Variants in MOCOS observed in about 807,000 individuals in gnomAD.
The protein encoded by MOCOS is molybdenum cofactor sulfurase.
A neutral mutation model predicts 83.6 loss-of-function variants in MOCOS; 86 were observed. That is an observed-to-expected ratio of 1.03 (90% CI 0.86 to 1.23). The LOEUF is 1.23. MOCOS is among the 50% of genes most tolerant of loss of function. The pLI is 0.00. For missense variants in MOCOS, 1,120 were observed against 1,126.9 expected, an observed-to-expected ratio of 0.99 and a Z score of 0.09; for synonymous variants, 445 against 434.7, an observed-to-expected ratio of 1.02 and a Z score of -0.29.
chr18:36,235,860 T>C (rs1313955033), intron 9 of MOCOS, among the ~76,000 whole-genome samples: 1 of 151,086 alleles, frequency 6.6e-6, no homozygotes, highest in African/African-American at 2.4e-5. Flanking sequence ...GTGGTTTTGA[T>C]TTGCATTTCT....
chr18:36,260,122 G>A lies in MOCOS; in HGVS notation c.2356G>A (p.Ala786Thr), dbSNP rs754520245. ...CAATATTATTATCAATGGAAAAAGGGCTTTTGAAGAAGAGAAATGGGATGA... is the reference window on the plus strand; with the variant it reads ...CAATATTATTATCAATGGAAAAAGGACTTTTGAAGAAGAGAAATGGGATGA... ...RANIIINGKR[A>T]FEEEKWDEIS... Residue 786 changes from alanine to threonine, a missense_variant, in exon 13 of 15, where the codon GCT becomes ACT. By Grantham distance (58) the Ala-to-Thr change is moderately conservative. Transcript: ENST00000261326. The A allele has an allele frequency of 1.2e-6, 2 of 1,614,056 alleles. No individual in the cohort carries two copies. The highest frequency in any genetic ancestry group is 1.3e-5 in the African/African-American group (1 of 74,924).
At chr18:36,201,663 C>CAAAAA (rs200846253) in intron 4 of MOCOS, among the ~76,000 whole-genome samples, 4 of 69,454 alleles carry the variant, frequency 5.8e-5, no homozygotes, top group South Asian at 7.7e-4. Flanking sequence ...ACTCCATCTC[C>CAAAAA]AAAAAAAAAA....
rs137879052 is a variant in MOCOS, at chr18:36,215,770, G to A, written c.1590G>A (p.Ser530=). The A allele has an allele frequency of 4.1e-5, 66 of 1,614,050 alleles. No homozygotes were observed. Among genetic ancestry groups the A allele is most frequent in the African/African-American group, 6.7e-5 (5 of 74,914 alleles). ...CTGTCATGGGCAGACGTAGCCTCTC[G>A]CCTCAGGAAGATGCCCTCACAGGCT... ...IPAVMGRRSL[S]PQEDALTGSR... Residue 530 remains serine (S), a synonymous_variant, in exon 8 of 15, where the codon TCG becomes TCA. Coordinates refer to ENST00000261326, the MANE Select transcript of MOCOS (RefSeq NM_017947.4).
chr18:36,196,871 C>A (rs2091390180), intron 2 of MOCOS, among the ~76,000 whole-genome samples: 2 of 151,938 alleles, frequency 1.3e-5, no homozygotes, highest in African/African-American at 4.8e-5. Flanking sequence ...CCAGTGCAAT[C>A]TTTCAGTGTA....
intron 4 of MOCOS, among the ~76,000 whole-genome samples, chr18:36,200,991 G>C (rs2091412015): frequency 1.3e-5 from 2 of 152,256 alleles, no homozygotes; most frequent in South Asian, 4.1e-4. Context: ...GCAAGGGCAG[G>C]TGGTGTGGGT....
At position 36,187,500 on chromosome 18, in the gene MOCOS, C is replaced by T. The variant is rs748456465; in HGVS notation, c.-40C>T. On this transcript the variant is annotated 5_prime_UTR_variant, in exon 1 of 15. Coordinates refer to ENST00000261326, the MANE Select transcript of MOCOS (RefSeq NM_017947.4). ...AGTCGCCGGGGGCCGGCTTCGCGCACTTCCCGGGCCCGGCCGGCCTGGATG... is the reference window on the plus strand; with the variant it reads ...AGTCGCCGGGGGCCGGCTTCGCGCATTTCCCGGGCCCGGCCGGCCTGGATG... 1.2e-5 allele frequency: 15 copies of T among 1,227,106 alleles called. No individual in the cohort carries two copies. The highest frequency in any genetic ancestry group is 6.1e-6 in the Non-Finnish European group (6 of 984,562). The allele number at this position is 1,227,106 out of a possible 1,614,324, so 76.0% of individuals were successfully genotyped here.
intron 9 of MOCOS, among the ~76,000 whole-genome samples, chr18:36,221,363 G>GTCC (rs749836355): frequency 1.3e-5 from 2 of 151,866 alleles, no homozygotes; most frequent in East Asian, 1.9e-4. Context: ...TTTCCTTTAG[G>GTCC]TCCTCCTCCT....
Position 36,260,063 on chromosome 18 carries a change from T to C in MOCOS, c.2297T>C (p.Phe766Ser), listed in dbSNP as rs769965875. 8.7e-6 allele frequency: 14 copies of C among 1,614,120 alleles called. No homozygotes were observed. Among genetic ancestry groups the C allele is most frequent in the Non-Finnish European group, 9.3e-6 (11 of 1,180,048 alleles). The change falls in exon 13 of 15, where the codon TTC becomes TCC. Residue 766 changes from phenylalanine (F) to serine (S), a missense_variant. Transcript: ENST00000261326. ...GATGAGAATGGAAAGGAGGAATTATTCTCACTGAAGGATCTCAGCTTGCGT... is the reference window on the plus strand; with the variant it reads ...GATGAGAATGGAAAGGAGGAATTATCCTCACTGAAGGATCTCAGCTTGCGT... ...TSDENGKEEL[F>S]SLKDLSLRFR...
intron 9 of MOCOS, among the ~76,000 whole-genome samples, chr18:36,225,450 A>G (rs1362581411): frequency 6.6e-6 from 1 of 152,128 alleles, no homozygotes. Flanking sequence ...GTGCCCGGCA[A>G]GTTTTCTATT....
chr18:36,265,034 G>T (rs897368984), intron 13 of MOCOS, among the ~76,000 whole-genome samples: 2 of 152,142 alleles, frequency 1.3e-5, no homozygotes, highest in African/African-American at 2.4e-5. Flanking sequence ...GCTTTTATTG[G>T]CAAAAATAAA....
At chr18:36,237,697 A>G (rs2091564785) in intron 9 of MOCOS, among the ~76,000 whole-genome samples, 1 of 152,104 alleles carries the variant, frequency 6.6e-6, no homozygotes, top group Non-Finnish European at 1.5e-5. Flanking sequence ...GAATAGTTTC[A>G]GAAGTAATGG....
In MOCOS at chr18:36,200,143, C is replaced by A. The variant is rs1346714740; in HGVS notation, c.760C>A (p.Gln254Lys). 5 of 1,614,094 alleles carry A rather than the reference C, an allele frequency of 3.1e-6. No homozygotes were observed. The highest frequency in any genetic ancestry group is 4.2e-6 in the Non-Finnish European group (5 of 1,180,046). Residue 254 changes from glutamine to lysine, a missense_variant, in exon 4 of 15, where the codon CAG becomes AAG. Transcript: ENST00000261326. ...CTCGCCTTTGGACCTGTCAGCTCAC[C>A]AGGCCGACTTTGTCCCCATCTCCTT... ...STSPLDLSAH[Q>K]ADFVPISFYK...
Position 36,268,916 on chromosome 18 carries a change from A to G in MOCOS, c.*231A>G. ...CCTCAGGAACGAATGCTGCACCCAC[A>G]TCCAGTGAGGCTCCTGTAGGTATTT... On this transcript the variant is annotated 3_prime_UTR_variant, in exon 15 of 15. Transcript: ENST00000261326. The G allele has an allele frequency of 1.8e-6, 1 of 560,828 alleles. No individual in the cohort carries two copies. The highest frequency in any genetic ancestry group is 3.2e-5 in the Admixed American group (1 of 31,740). The allele number at this position is 560,828 out of a possible 1,614,324, so 34.7% of individuals were successfully genotyped here. A position where few individuals can be genotyped will look rare whatever the true frequency, so the allele number is the denominator to read the frequency against.
chr18:36,239,953 G>T (rs564475050), intron 9 of MOCOS, among the ~76,000 whole-genome samples: 29 of 148,706 alleles, frequency 2.0e-4, no homozygotes, highest in Non-Finnish European at 3.7e-4. Flanking sequence ...TGCATTCTTC[G>T]TGTAGTTCTC....
Position 36,226,974 on chromosome 18 carries a change from C to G in MOCOS, c.1960+6757C>G, listed in dbSNP as rs982152394. Among the ~76,000 whole-genome samples the G allele has an allele frequency of 2.0e-5, 3 of 149,732 alleles. No individual in the cohort carries two copies. The South Asian group carries it at 6.4e-4, about 32-fold the overall frequency. On this transcript the variant is annotated intron_variant, in intron 9 of 14. Transcript: ENST00000261326. Reference sequence around the variant, plus strand: ...TGATCTTGACTCACTGCAAACTCTGCCACCTAGGCTCAAGCAATCATCCCA... The same window carrying G: ...TGATCTTGACTCACTGCAAACTCTGGCACCTAGGCTCAAGCAATCATCCCA...
At chr18:36,256,802 G>T in intron 11 of MOCOS, 166 bp from the exon 12 acceptor site, 1 of 667,260 alleles carries the variant, frequency 1.5e-6, no homozygotes, top group Non-Finnish European at 2.7e-6. Context: ...CCTCTTTATT[G>T]AGAGATATGC....
At chr18:36,260,002 T>TC (rs2091657595) in intron 12 of MOCOS, 35 bp from the exon 13 acceptor site, 3 of 1,612,500 alleles carry the variant, frequency 1.9e-6, no homozygotes, top group Non-Finnish European at 2.5e-6. Flanking sequence ...TCTGCCATCC[T>TC]CCCCCTACTT....
At chr18:36,238,435 T>G in intron 9 of MOCOS, among the ~76,000 whole-genome samples, 1 of 150,388 alleles carries the variant, frequency 6.6e-6, no homozygotes, top group African/African-American at 2.4e-5. Flanking sequence ...TCCATGTAGT[T>G]GAGCGGTTTT....
intron 3 of MOCOS, 28 bp from the exon 4 acceptor site, chr18:36,199,655 G>T (rs780096169): frequency 3.1e-6 from 5 of 1,612,282 alleles, no homozygotes; most frequent in Non-Finnish European, 4.2e-6. Flanking sequence ...GAGATCCGCG[G>T]GTTGCGGGGA....
Sources: gnomAD v4.1 joint callset for allele counts (sites outside exome capture counted in the v4.1 genomes callset) on GRCh38, gnomAD v4.1.1 for gene constraint, MANE v1.5 for transcripts, NCBI Gene and HGNC (gene_info 2026-07-23, HGNC 2026-07-21) for gene names.